Variants in CNTNAP2 observed in about 807,000 individuals in gnomAD.
The protein encoded by CNTNAP2 is contactin associated protein 2, also known as contactin-associated protein-like 2.
A neutral mutation model predicts 155.2 loss-of-function variants in CNTNAP2; 98 were observed. The ratio of observed to expected loss-of-function variants is 0.63; its 90% confidence interval spans 0.54 to 0.75. The LOEUF (loss-of-function observed/expected upper bound fraction) is 0.75. CNTNAP2 is among the 30% of genes least tolerant of loss of function. The pLI is 0.00. For missense variants in CNTNAP2, 1,727 were observed against 1,688.1 expected (o/e 1.02, Z -0.40); for synonymous variants, 651 against 631.2 (o/e 1.03, Z -0.47).
At chr7:146,690,231 A>G (rs961188427) in intron 1 of CNTNAP2, among the ~76,000 whole-genome samples, 7 of 152,296 alleles carry the variant, frequency 4.6e-5, no homozygotes, top group East Asian at 3.9e-4. Context: ...TGCATAAATT[A>G]CAAACTTTGC....
At chr7:147,907,464 C>A (rs1799982994) in intron 14 of CNTNAP2, among the ~76,000 whole-genome samples, 1 of 152,152 alleles carries the variant, frequency 6.6e-6, no homozygotes. Flanking sequence ...CAGCACCTAG[C>A]AAAGGCCCTC....
At chr7:146,958,550 A>T (rs1477699189) in intron 3 of CNTNAP2, among the ~76,000 whole-genome samples, 1 of 149,882 alleles carries the variant, frequency 6.7e-6, no homozygotes, top group Non-Finnish European at 1.5e-5. Flanking sequence ...AGTAGCTGGG[A>T]CTACAGGCAC....
chr7:146,628,318 C>T (rs1799454244), intron 1 of CNTNAP2, among the ~76,000 whole-genome samples: 1 of 152,032 alleles, frequency 6.6e-6, no homozygotes, highest in Admixed American at 6.6e-5. Context: ...TATGCGGAAT[C>T]TATGAAAGCT....
intron 1 of CNTNAP2, among the ~76,000 whole-genome samples, chr7:146,700,118 C>A (rs2642504): frequency 1.3e-5 from 2 of 152,040 alleles, no homozygotes; most frequent in Non-Finnish European, 2.9e-5. Flanking sequence ...AGAGTGTAGC[C>A]CCTTCCAAGA....
At chr7:147,279,584 TATTG>T (rs549579129) in intron 8 of CNTNAP2, among the ~76,000 whole-genome samples, 1 of 151,778 alleles carries the variant, frequency 6.6e-6, no homozygotes, top group Non-Finnish European at 1.5e-5. Flanking sequence ...TAAATTATAA[TATTG>T]ATTATTATTA....
At chr7:146,718,215 T>C (rs1386544986) in intron 1 of CNTNAP2, among the ~76,000 whole-genome samples, 1 of 152,216 alleles carries the variant, frequency 6.6e-6, no homozygotes, top group Admixed American at 6.5e-5. Flanking sequence ...CACTGTCACA[T>C]ATTATTAAAA....
At chr7:148,057,315 G>T (rs10485846) in intron 15 of CNTNAP2, among the ~76,000 whole-genome samples, 2 of 152,054 alleles carry the variant, frequency 1.3e-5, no homozygotes, top group African/African-American at 4.8e-5. Context: ...AGGATCAATC[G>T]CTCAATAGCT....
intron 8 of CNTNAP2, among the ~76,000 whole-genome samples, chr7:147,240,075 A>T (rs1432380267): frequency 6.6e-6 from 1 of 152,154 alleles, no homozygotes; most frequent in Non-Finnish European, 1.5e-5. Context: ...TAAACTTTTT[A>T]TGCCTCATTT....
chr7:147,491,268 G>A (rs940629718), intron 11 of CNTNAP2, among the ~76,000 whole-genome samples: 1 of 151,972 alleles, frequency 6.6e-6, no homozygotes, highest in African/African-American at 2.4e-5. Flanking sequence ...CCTCCTTTCA[G>A]TTTTTGATGC....
At chr7:147,234,473 G>C (rs1403918851) in intron 8 of CNTNAP2, among the ~76,000 whole-genome samples, 1 of 151,508 alleles carries the variant, frequency 6.6e-6, no homozygotes, top group African/African-American at 2.4e-5. Context: ...GAGTAGCTGG[G>C]ACTACAGGCG....
Position 147,322,201 on chromosome 7 carries a change from T to G in CNTNAP2, c.1498+21911T>G, listed in dbSNP as rs371604734. Among the ~76,000 whole-genome samples the G allele has an allele frequency of 9.2e-5, 14 of 152,318 alleles. No homozygotes were observed. The East Asian group carries it at 2.5e-3, about 27-fold the overall frequency. The stretch of plus-strand genomic sequence containing the variant: ...TGAAATCTCATACAATGTTTACGCA[T>G]GTATCACCTCATTGGCTGGAACATA... On this transcript the variant is annotated intron_variant, in intron 9 of 23. Transcript: ENST00000361727.
At chr7:146,871,811 A>C (rs564851600) in intron 3 of CNTNAP2, among the ~76,000 whole-genome samples, 1 of 152,222 alleles carries the variant, frequency 6.6e-6, no homozygotes, top group Non-Finnish European at 1.5e-5. Flanking sequence ...TACATTGAGA[A>C]ACTATGCAAA....
At chr7:146,473,230 C>A (rs1416129168) in intron 1 of CNTNAP2, among the ~76,000 whole-genome samples, 1 of 151,896 alleles carries the variant, frequency 6.6e-6, no homozygotes, top group Non-Finnish European at 1.5e-5. Context: ...CCCAAGGTGC[C>A]CATAGACAAT....
At chr7:147,143,649 C>A (rs1311083969) in intron 8 of CNTNAP2, among the ~76,000 whole-genome samples, 1 of 151,888 alleles carries the variant, frequency 6.6e-6, no homozygotes, top group Non-Finnish European at 1.5e-5. Context: ...TTATATAAAC[C>A]AAATTCATTA....
intron 19 of CNTNAP2, among the ~76,000 whole-genome samples, chr7:148,220,394 G>A (rs112773837): frequency 1.2e-4 from 18 of 152,308 alleles, no homozygotes; most frequent in African/African-American, 3.8e-4. Flanking sequence ...GAGCCATCGT[G>A]CCTGGCCAAC....
chr7:147,494,490 G>C (rs959144648), intron 11 of CNTNAP2, among the ~76,000 whole-genome samples: 2 of 87,276 alleles, frequency 2.3e-5, no homozygotes, highest in Admixed American at 2.3e-4. Context: ...AAAAAAAGTT[G>C]ATCTGCAAAT....
intron 3 of CNTNAP2, among the ~76,000 whole-genome samples, chr7:147,019,526 T>C (rs568640325): frequency 6.6e-6 from 1 of 152,118 alleles, no homozygotes; most frequent in Non-Finnish European, 1.5e-5. Context: ...GGTTAAATTT[T>C]AATTGTGTTT....
intron 1 of CNTNAP2, among the ~76,000 whole-genome samples, chr7:146,424,189 C>A (rs1796054267): frequency 6.6e-6 from 1 of 152,178 alleles, no homozygotes; most frequent in African/African-American, 2.4e-5. Flanking sequence ...GCCTCGAATT[C>A]TCAATAAAGT....
At chr7:146,128,666 A>G (rs1267576267) in intron 1 of CNTNAP2, among the ~76,000 whole-genome samples, 2 of 152,174 alleles carry the variant, frequency 1.3e-5, no homozygotes, top group African/African-American at 2.4e-5. Flanking sequence ...CTAGGTACAC[A>G]ACCAGTGTTA....
Sources: allele counts gnomAD v4.1 joint callset (sites outside exome capture counted in the v4.1 genomes callset), GRCh38; gene constraint gnomAD v4.1.1; transcripts MANE v1.5; gene names NCBI Gene and HGNC (gene_info 2026-07-23, HGNC 2026-07-21).